Variants in ZNF502 observed in about 807,000 individuals in gnomAD.
ZNF502 encodes zinc finger protein 502.
ZNF502 carries 29 observed loss-of-function variants against 43.6 expected under a neutral mutation model. That is an observed-to-expected ratio of 0.67 (90% confidence interval 0.50 to 0.91). The LOEUF is 0.91. ZNF502 is among the 40% of genes least tolerant of loss of function. The pLI is 0.00. For synonymous variants in ZNF502, 171 were observed against 207.4 expected (o/e 0.82, Z 1.51); for missense variants, 591 against 647.2 (o/e 0.91, Z 0.94).
chr3:44,717,897 C>T (rs9284880), intron 1 of ZNF502, among the ~76,000 whole-genome samples: 67,209 of 151,878 alleles, frequency 0.44, 16,203 homozygotes, highest in East Asian at 0.83. Context: ...GTGATCTTCC[C>T]ACCTTGGCCT....
In ZNF502 at chr3:44,720,948, G is replaced by T; in HGVS notation, c.131G>T (p.Arg44Met). The T allele has an allele frequency of 6.2e-7, 1 of 1,614,130 alleles. No individual in the cohort carries two copies. Among genetic ancestry groups the T allele is most frequent in the Non-Finnish European group, 8.5e-7 (1 of 1,180,010 alleles). The change falls in exon 3 of 3, where the codon AGG becomes ATG. Residue 44 changes from arginine (R) to methionine (M), a missense_variant. Arg to Met is a moderately conservative substitution (Grantham distance 91). Coordinates refer to ENST00000436624, the MANE Select transcript of ZNF502 (RefSeq NM_001134442.3). ...GACTCATCAGGGATAGTAGTAAAGA[G>T]GTTCCAAGAGGATGAATACCAAGAT... ...KIDSSGIVVK[R>M]FQEDEYQDST... is the part of the protein sequence containing the mutation.
chr3:44,715,863 A>G (rs567215702), intron 1 of ZNF502, among the ~76,000 whole-genome samples: 7 of 152,126 alleles, frequency 4.6e-5, no homozygotes, highest in Admixed American at 4.6e-4. Flanking sequence ...CGACACATGT[A>G]TATTTTAACA....
At position 44,721,758 on chromosome 3, in the gene ZNF502, A is replaced by G. The variant is rs774281787; in HGVS notation, c.941A>G (p.Gln314Arg). The G allele has an allele frequency of 7.4e-6, 12 of 1,613,352 alleles. No homozygotes were observed. In the Admixed American group the frequency reaches 1.0e-4, roughly 13 times the overall value. Reference sequence around the variant, plus strand: ...AAACACTCAAATCTTACGCAACATCAGAGAATTCACACTGGGGAAAAACCC... The same window carrying G: ...AAACACTCAAATCTTACGCAACATCGGAGAATTCACACTGGGGAAAAACCC... ...FRKHSNLTQH[Q>R]RIHTGEKPHK... Residue 314 changes from glutamine to arginine, a missense_variant, in exon 3 of 3, where the codon CAG (glutamine) becomes CGG (arginine). Physicochemically the swap from Gln to Arg is conservative, Grantham distance 43 (BLOSUM62 1). Transcript: ENST00000436624.
intron 1 of ZNF502, among the ~76,000 whole-genome samples, chr3:44,718,151 T>G (rs1704200850): frequency 6.6e-6 from 1 of 152,202 alleles, no homozygotes; most frequent in Non-Finnish European, 1.5e-5. Context: ...TAAAGATAAC[T>G]TATTCCTTTC....
At chr3:44,713,190 A>G (rs1575536530) in intron 1 of ZNF502, among the ~76,000 whole-genome samples, 1 of 152,154 alleles carries the variant, frequency 6.6e-6, no homozygotes, top group East Asian at 1.9e-4. Flanking sequence ...TTGAGACCTG[A>G]GTTACAATTC....
rs1199746814 is a variant in ZNF502, at chr3:44,721,242, A to G, written c.425A>G (p.Gln142Arg). The G allele has an allele frequency of 6.2e-7, 1 of 1,614,158 alleles. No individual in the cohort carries two copies. Among genetic ancestry groups the G allele is most frequent in the Non-Finnish European group, 8.5e-7 (1 of 1,180,014 alleles). Reference protein sequence around the residue: ...SNIQTNDISDQSKCPTLCTQK... With the variant: ...SNIQTNDISDRSKCPTLCTQK... ...ATACAAACCAATGATATTTCAGACC[A>G]AAGTAAATGTCCAACTCTCTGCACA... Residue 142 changes from glutamine to arginine, a missense_variant, in exon 3 of 3, where the codon CAA becomes CGA. Gln to Arg is a conservative substitution (Grantham distance 43, BLOSUM62 1). Coordinates refer to ENST00000436624, the MANE Select transcript of ZNF502 (RefSeq NM_001134442.3).
chr3:44,721,290 A>G lies in ZNF502; in HGVS notation c.473A>G (p.Asn158Ser). The change falls in exon 3 of 3, where the codon AAT (asparagine) becomes AGT (serine). Residue 158 changes from asparagine (N) to serine (S), a missense_variant. Physicochemically the swap from Asn to Ser is conservative, Grantham distance 46 (BLOSUM62 1). Transcript: ENST00000436624. ...LCTQKKSWKC[N>S]ECGKTFTQSS... Reference sequence around the variant, plus strand: ...ACACAGAAAAAATCTTGGAAATGTAATGAATGTGGAAAAACCTTTACTCAG... The same window carrying G: ...ACACAGAAAAAATCTTGGAAATGTAGTGAATGTGGAAAAACCTTTACTCAG... The G allele has an allele frequency of 2.5e-6, 4 of 1,614,166 alleles. No homozygotes were observed. The highest frequency in any genetic ancestry group is 2.7e-5 in the African/African-American group (2 of 75,046).
At chr3:44,717,262 T>C (rs1704168396) in intron 1 of ZNF502, among the ~76,000 whole-genome samples, 1 of 152,130 alleles carries the variant, frequency 6.6e-6, no homozygotes, top group Non-Finnish European at 1.5e-5. Context: ...ATCTATCTTT[T>C]TGTGATTAGA....
At position 44,721,461 on chromosome 3, in the gene ZNF502, A is replaced by G. The variant is rs1403657135; in HGVS notation, c.644A>G (p.Gln215Arg). 12 of 1,614,232 alleles carry G rather than the reference A, an allele frequency of 7.4e-6. No homozygotes were observed. Among genetic ancestry groups the G allele is most frequent in the Admixed American group, 1.7e-5 (1 of 60,032 alleles). Residue 215 changes from glutamine to arginine, a missense_variant, in exon 3 of 3, where the codon CAG becomes CGG. Coordinates refer to ENST00000436624, the MANE Select transcript of ZNF502 (RefSeq NM_001134442.3). ...GGAGTGAAACCATATGGATGTGAGC[A>G]GTGTGGGAAAACATTTCGATGTCGA... is the stretch of plus-strand genomic sequence containing the variant. ...HTGVKPYGCE[Q>R]CGKTFRCRSF...
At position 44,721,600 on chromosome 3, in the gene ZNF502, C is replaced by T; in HGVS notation, c.783C>T (p.His261=). ...ATCTCACTGAACACCAGAGAATTCA[C>T]ACTGGAGAGAAACCTTATAAATGCA... ...HSHLTEHQRI[H]TGEKPYKCNR... The change falls in exon 3 of 3, where the codon CAC becomes CAT. Residue 261 remains histidine (H), a synonymous_variant. Transcript: ENST00000436624. The T allele has an allele frequency of 6.2e-7, 1 of 1,614,126 alleles. No individual in the cohort carries two copies. The highest frequency in any genetic ancestry group is 8.5e-7 in the Non-Finnish European group (1 of 1,179,998).
Position 44,721,881 on chromosome 3 carries a change from A to G in ZNF502, c.1064A>G (p.Glu355Gly). 1 of 1,614,016 alleles carries G rather than the reference A, an allele frequency of 6.2e-7. No individual in the cohort carries two copies. ...GGAGAGAAACCCTATAAATGTAAAG[A>G]ATGTGGCAAAGCCTTTTGTCAGAGC... ...HSGEKPYKCK[E>G]CGKAFCQSPS... Residue 355 changes from glutamate to glycine, a missense_variant, in exon 3 of 3, where the codon GAA becomes GGA. Coordinates refer to ENST00000436624, the MANE Select transcript of ZNF502 (RefSeq NM_001134442.3).
At chr3:44,720,076 T>C in intron 1 of ZNF502, 127 bp from the exon 2 acceptor site, 1 of 654,210 alleles carries the variant, frequency 1.5e-6, no homozygotes, top group Non-Finnish European at 2.7e-6. Flanking sequence ...TGCTTCCACA[T>C]TGTTATCCTG....
Position 44,723,406 on chromosome 3 carries a change from A to G in ZNF502, c.*954A>G, listed in dbSNP as rs1195281477. 1 of 152,228 alleles carries G rather than the reference A, an allele frequency of 6.6e-6. No homozygotes were observed. Among genetic ancestry groups the G allele is most frequent in the African/African-American group, 2.4e-5 (1 of 41,460 alleles). The allele number at this position is 152,228 out of a possible 1,614,324, so 9.4% of individuals were successfully genotyped here. Reference sequence around the variant, plus strand: ...GCTGTTGGTGTACAGAGACCAGAGGAGAGAGACACACTAGGACTAACAATG... The same window carrying G: ...GCTGTTGGTGTACAGAGACCAGAGGGGAGAGACACACTAGGACTAACAATG... On this transcript the variant is annotated 3_prime_UTR_variant, in exon 3 of 3. Transcript: ENST00000436624.
chr3:44,713,257 C>G (rs1704067167), intron 1 of ZNF502, among the ~76,000 whole-genome samples: 1 of 152,176 alleles, frequency 6.6e-6, no homozygotes, highest in African/African-American at 2.4e-5. Flanking sequence ...TGCTTCTTCA[C>G]AAAGCTCAGT....
chr3:44,719,181 C>T (rs1384799226), intron 1 of ZNF502, among the ~76,000 whole-genome samples: 1 of 152,126 alleles, frequency 6.6e-6, no homozygotes, highest in Non-Finnish European at 1.5e-5. Flanking sequence ...CCATGTTGGC[C>T]AGGCTGGTCT....
chr3:44,716,714 G>A (rs1252877164), intron 1 of ZNF502, among the ~76,000 whole-genome samples: 1 of 152,146 alleles, frequency 6.6e-6, no homozygotes, highest in African/African-American at 2.4e-5. Flanking sequence ...GAAACTCCCT[G>A]TACCTTTGTG....
Position 44,722,398 on chromosome 3 carries a change from C to T in ZNF502, c.1581C>T (p.Phe527=), listed in dbSNP as rs752831211. ...ATGAGTGTATTGAGTGTGGAAAGTT[C>T]TTCAGACATAGTTCAGTCCTTTTCA... The part of the protein sequence containing the change: ...KPYECIECGK[F]FRHSSVLFRH... Residue 527 remains phenylalanine (F), a synonymous_variant, in exon 3 of 3, where the codon TTC becomes TTT. Transcript: ENST00000436624. 3 of 1,614,020 alleles carry T rather than the reference C, an allele frequency of 1.9e-6. No individual in the cohort carries two copies. In the East Asian group the frequency reaches 6.7e-5, roughly 36 times the overall value.
At chr3:44,716,398 C>T (rs989267731) in intron 1 of ZNF502, among the ~76,000 whole-genome samples, 7 of 152,046 alleles carry the variant, frequency 4.6e-5, no homozygotes, top group Non-Finnish European at 1.0e-4. Context: ...CCATGTTGGG[C>T]AGGCTGGTCT....
At position 44,723,496 on chromosome 3, in the gene ZNF502, G is replaced by T. The variant is rs1327076661; in HGVS notation, c.*1044G>T. The stretch of plus-strand genomic sequence containing the variant: ...AAAGCATTAGTAATGAAAGAAGAAA[G>T]AATTTTCACTTGGTTGGACATTGGG... On this transcript the variant is annotated 3_prime_UTR_variant, in exon 3 of 3. Transcript: ENST00000436624. 8.6e-6 allele frequency: 1 copy of T among 116,880 alleles called. No individual in the cohort carries two copies. Among genetic ancestry groups the T allele is most frequent in the East Asian group, 2.5e-4 (1 of 3,976 alleles). 7.2% of individuals were successfully genotyped at this position (116,880 alleles called of 1,614,324 possible).
Sources: allele counts gnomAD v4.1 joint callset (sites outside exome capture counted in the v4.1 genomes callset), GRCh38; gene constraint gnomAD v4.1.1; transcripts MANE v1.5; gene names NCBI Gene and HGNC (gene_info 2026-07-23, HGNC 2026-07-21).